The following CARD8 variants were observed in gnomAD, a reference collection of about 807,000 sequenced individuals.
CARD8 encodes caspase recruitment domain-containing protein 8.
Under a neutral mutation model 53.2 loss-of-function variants are expected in CARD8, and 38 were observed. The observed-to-expected ratio is 0.71, with a 90% CI of 0.55 to 0.94. The LOEUF (loss-of-function observed/expected upper bound fraction) is 0.94. Ranked by LOEUF, CARD8 falls within the 40% of genes least tolerant of loss-of-function variation. The probability of loss-of-function intolerance (pLI) is 0.00; values close to 1 mark genes in which losing one functional copy is unlikely to be tolerated. For synonymous variants in CARD8, 245 were observed against 244.9 expected, an observed-to-expected ratio of 1.00 and a Z score of 0.00; for missense variants, 561 against 655.5, an observed-to-expected ratio of 0.86 and a Z score of 1.57.
intron 13 of CARD8, among the ~76,000 whole-genome samples, chr19:48,213,996 A>T (rs1600080362): frequency 1.3e-5 from 2 of 152,192 alleles, no homozygotes; most frequent in Admixed American, 6.5e-5. Context: ...AGTTTAATTC[A>T]CAGCCATATC....
chr19:48,241,207 T>A, intron 3 of CARD8, 144 bp from the exon 4 acceptor site: 1 of 593,230 alleles, frequency 1.7e-6, no homozygotes, highest in Non-Finnish European at 3.0e-6. Flanking sequence ...CTAGTAGTGG[T>A]AGGTACTTGG....
chr19:48,221,916 T>C (rs2040721285), intron 10 of CARD8, 61 bp from the exon 11 acceptor site: 3 of 1,442,452 alleles, frequency 2.1e-6, no homozygotes, highest in Non-Finnish European at 2.8e-6. Flanking sequence ...AGTAGTGGCA[T>C]AAAAAGTTAT....
At chr19:48,203,891 C>A, downstream of CARD8, 1 of 287,916 alleles carries the variant, frequency 3.5e-6, no homozygotes, top group Non-Finnish European at 6.9e-6. Context: ...GCTGTAGCAG[C>A]CAGAAAGCTA....
chr19:48,208,431 T>G lies in CARD8; in HGVS notation c.*3279A>C, dbSNP rs2037530360. 6.6e-6 allele frequency: 1 copy of G among 152,220 alleles called. No homozygotes were observed. 9.4% of individuals were successfully genotyped at this position (152,220 alleles called of 1,614,324 possible). A position where few individuals can be genotyped will look rare whatever the true frequency, so the allele number is the denominator to read the frequency against. On this transcript the variant is annotated 3_prime_UTR_variant, in exon 14 of 14. Coordinates refer to ENST00000651546, the MANE Select transcript of CARD8 (RefSeq NM_001184900.3). ...AATACCACTGCAAAGACTTTTAAAA[T>G]GAGCTGATATTAAGACCTCAGTTCA...
intron 3 of CARD8, among the ~76,000 whole-genome samples, chr19:48,247,993 A>G (rs2146992966): frequency 6.6e-6 from 1 of 152,218 alleles, no homozygotes; most frequent in Non-Finnish European, 1.5e-5. Context: ...TTCATATTGC[A>G]TTTAAAAAGT....
chr19:48,215,011 A>G, intron 13 of CARD8: 1 of 190,586 alleles, frequency 5.2e-6, no homozygotes, highest in South Asian at 9.2e-5. Flanking sequence ...GCTGGTCTCG[A>G]ACTCCTGAGC....
intron 12 of CARD8, among the ~76,000 whole-genome samples, 185 bp downstream of exon 12, chr19:48,218,686 C>T (rs2039877146): frequency 6.6e-6 from 1 of 152,082 alleles, no homozygotes; most frequent in South Asian, 2.1e-4. Context: ...TCTCCCTTCC[C>T]ACATCACCCA....
At chr19:48,207,036 TGG>T (rs999378528), downstream of CARD8, among the ~76,000 whole-genome samples, 1 of 151,734 alleles carries the variant, frequency 6.6e-6, no homozygotes, top group Non-Finnish European at 1.5e-5. Flanking sequence ...GGCGTGGTGG[TGG>T]GCACCTGTAA....
At chr19:48,213,502 T>G (rs1302470609) in intron 13 of CARD8, among the ~76,000 whole-genome samples, 1 of 152,070 alleles carries the variant, frequency 6.6e-6, no homozygotes, top group East Asian at 1.9e-4. Context: ...GCCCCCCGAG[T>G]AGCTGGGATC....
intron 12 of CARD8, 37 bp from the exon 13 acceptor site, chr19:48,215,421 T>G: frequency 2.5e-4 from 301 of 1,218,824 alleles, no homozygotes; most frequent in Non-Finnish European, 3.3e-4. Flanking sequence ...TGAGATGAGA[T>G]AAATCATGTA....
At chr19:48,234,337 C>T in intron 6 of CARD8, 66 bp downstream of exon 6, 2 of 1,493,700 alleles carry the variant, frequency 1.3e-6, no homozygotes, top group Non-Finnish European at 9.1e-7. Context: ...TCCTCTAATT[C>T]TCATGTTCCT....
Position 48,230,992 on chromosome 19 carries a change from G to A in CARD8, c.557C>T (p.Thr186Ile), listed in dbSNP as rs2042767660. Residue 186 changes from threonine (T) to isoleucine (I), a missense_variant, in exon 9 of 14, where the codon ACT becomes ATT. Physicochemically the swap from Thr to Ile is moderately conservative, Grantham distance 89. Transcript: ENST00000651546. The stretch of plus-strand genomic sequence containing the variant: ...GGCTGACCACAGATACCAGCCAGCA[G>A]TGGGGAACCAAACGCTGAAAGGAGC... ...STNRYSVWFP[T>I]AGWYLWSATG... 2 of 1,613,894 alleles carry A rather than the reference G, an allele frequency of 1.2e-6. No homozygotes were observed. Among genetic ancestry groups the A allele is most frequent in the Admixed American group, 1.7e-5 (1 of 59,992 alleles).
intron 3 of CARD8, among the ~76,000 whole-genome samples, chr19:48,245,366 T>C (rs2146889310): frequency 6.6e-6 from 1 of 152,096 alleles, no homozygotes; most frequent in South Asian, 2.1e-4. Flanking sequence ...TGCACCACCA[T>C]GCCTGGCTAA....
In CARD8 at chr19:48,218,852, GC is replaced by G; in HGVS notation, c.1303+18del. Reference sequence around the variant, plus strand: ...GATGGATCCCTGTCTAAAAATGCCAGCCTCGCCCACTCACCTACCTGGCTTC... The same window carrying G: ...GATGGATCCCTGTCTAAAAATGCCAGCTCGCCCACTCACCTACCTGGCTTC... On this transcript the variant is annotated intron_variant, in intron 12 of 13. Transcript: ENST00000651546. The G allele has an allele frequency of 6.2e-7, 1 of 1,613,278 alleles. No homozygotes were observed. The highest frequency in any genetic ancestry group is 8.5e-7 in the Non-Finnish European group (1 of 1,179,348).
At chr19:48,247,756 G>GTA (rs557750959) in intron 3 of CARD8, among the ~76,000 whole-genome samples, 7,944 of 143,158 alleles carry the variant, frequency 0.055, 249 homozygotes, top group Non-Finnish European at 0.063. Context: ...CTATGTTATT[G>GTA]TATATATATA....
chr19:48,215,210 C>A, intron 13 of CARD8, 130 bp downstream of exon 13: 1 of 656,330 alleles, frequency 1.5e-6, no homozygotes, highest in Non-Finnish European at 2.8e-6. Flanking sequence ...ATTGAGGTTG[C>A]TGCAGACCTA....
intron 12 of CARD8, among the ~76,000 whole-genome samples, chr19:48,216,436 G>A (rs2039312429): frequency 6.6e-6 from 1 of 152,206 alleles, no homozygotes; most frequent in Non-Finnish European, 1.5e-5. Context: ...TTTACCGACT[G>A]GAGGGAGGAG....
chr19:48,244,510 C>T (rs376385512), intron 3 of CARD8, among the ~76,000 whole-genome samples: 9 of 152,096 alleles, frequency 5.9e-5, no homozygotes, highest in South Asian at 2.1e-4. Context: ...GCCTCATACT[C>T]GGTGATTTAT....
intron 10 of CARD8, among the ~76,000 whole-genome samples, chr19:48,222,618 G>A (rs1367081925): frequency 1.3e-5 from 2 of 151,970 alleles, no homozygotes; most frequent in Admixed American, 6.6e-5. Context: ...GAACCCAGGA[G>A]GCAGAGATTG....
Sources: allele counts gnomAD v4.1 joint callset (sites outside exome capture counted in the v4.1 genomes callset), GRCh38; gene constraint gnomAD v4.1.1; transcripts MANE v1.5; gene names NCBI Gene and HGNC (gene_info 2026-07-23, HGNC 2026-07-21).